FGF12: variants seen among roughly 807,000 people sequenced by gnomAD.
The protein encoded by FGF12 is fibroblast growth factor 12B.
FGF12 carries 14 observed loss-of-function variants against 23.6 expected under a neutral mutation model. The observed-to-expected ratio is 0.59, with a 90% CI of 0.39 to 0.93. FGF12 has a LOEUF of 0.93. Ranked by LOEUF, FGF12 falls within the 40% of genes least tolerant of loss-of-function variation. The probability of loss-of-function intolerance (pLI) is 0.00; values close to 1 mark genes in which losing one functional copy is unlikely to be tolerated. For missense variants in FGF12, 175 were observed against 217.8 expected, an observed-to-expected ratio of 0.80 and a Z score of 1.24; for synonymous variants, 62 against 77.3, an observed-to-expected ratio of 0.80 and a Z score of 1.04.
chr3:192,680,455 G>C (rs1366134974), intron 2 of FGF12, among the ~76,000 whole-genome samples: 2 of 152,142 alleles, frequency 1.3e-5, no homozygotes, highest in African/African-American at 2.4e-5. Flanking sequence ...AGGTGGTAGT[G>C]GGGGGAGGTT....
At chr3:192,550,409 T>C (rs959002269) in intron 2 of FGF12, among the ~76,000 whole-genome samples, 2 of 149,914 alleles carry the variant, frequency 1.3e-5, no homozygotes, top group African/African-American at 4.9e-5. Context: ...ATATTACATA[T>C]ATAACATATT....
intron 2 of FGF12, among the ~76,000 whole-genome samples, chr3:192,692,323 T>C (rs1221550047): frequency 6.6e-6 from 1 of 152,186 alleles, no homozygotes; most frequent in African/African-American, 2.4e-5. Flanking sequence ...ATTGTGACTA[T>C]GTGAGATTAT....
chr3:192,397,008 A>G (rs1361984539), intron 2 of FGF12, among the ~76,000 whole-genome samples: 2 of 152,220 alleles, frequency 1.3e-5, no homozygotes, highest in African/African-American at 2.4e-5. Context: ...CAAAATTATA[A>G]TGAATGGAAC....
intron 4 of FGF12, among the ~76,000 whole-genome samples, chr3:192,200,069 C>A (rs7624728): frequency 6.6e-6 from 1 of 151,652 alleles, no homozygotes; most frequent in Non-Finnish European, 1.5e-5. Flanking sequence ...GTAATCCCAG[C>A]GCTTTGGGAG....
intron 2 of FGF12, among the ~76,000 whole-genome samples, chr3:192,470,623 A>C (rs1488749985): frequency 6.6e-6 from 1 of 152,146 alleles, no homozygotes; most frequent in Non-Finnish European, 1.5e-5. Context: ...TCCTGACCTC[A>C]AGTGATCCTC....
At chr3:192,446,768 C>A (rs1444075428) in intron 2 of FGF12, among the ~76,000 whole-genome samples, 2 of 152,164 alleles carry the variant, frequency 1.3e-5, no homozygotes, top group African/African-American at 4.8e-5. Flanking sequence ...CAAACATGGA[C>A]ATACACCACC....
chr3:192,451,398 T>C (rs1316576455), intron 2 of FGF12, among the ~76,000 whole-genome samples: 2 of 152,196 alleles, frequency 1.3e-5, no homozygotes, highest in African/African-American at 4.8e-5. Context: ...ATAAAATACA[T>C]TGTTCTTGAC....
intron 4 of FGF12, among the ~76,000 whole-genome samples, chr3:192,330,071 G>GA (rs200842868): frequency 0.031 from 4,672 of 152,160 alleles, 119 homozygotes; most frequent in South Asian, 0.054. Context: ...CTTGTATACT[G>GA]AAAACTACTA....
At chr3:192,185,557 A>G (rs1362923623) in intron 4 of FGF12, among the ~76,000 whole-genome samples, 1 of 151,770 alleles carries the variant, frequency 6.6e-6, no homozygotes, top group East Asian at 1.9e-4. Context: ...TTTTTAATTG[A>G]AAGGTAAAAG....
chr3:192,181,044 C>T (rs967122832), intron 4 of FGF12, among the ~76,000 whole-genome samples: 5 of 152,232 alleles, frequency 3.3e-5, no homozygotes, highest in South Asian at 2.1e-4. Context: ...GGAGACTGTA[C>T]GGAGATCTCC....
intron 3 of FGF12, among the ~76,000 whole-genome samples, chr3:192,339,064 T>G (rs896991061): frequency 1.3e-5 from 2 of 152,204 alleles, no homozygotes; most frequent in African/African-American, 2.4e-5. Context: ...TTGAAAGTTT[T>G]ATATGAACCA....
At chr3:192,179,466 A>G (rs566994594) in intron 4 of FGF12, among the ~76,000 whole-genome samples, 1 of 152,260 alleles carries the variant, frequency 6.6e-6, no homozygotes, top group Non-Finnish European at 1.5e-5. Flanking sequence ...TTGATTTTTG[A>G]CCTTGAGCAA....
chr3:192,374,051 C>T (rs1719363646), intron 2 of FGF12, among the ~76,000 whole-genome samples: 1 of 152,264 alleles, frequency 6.6e-6, no homozygotes, highest in East Asian at 1.9e-4. Context: ...TAAGAAAAGG[C>T]ATGATTTGTC....
chr3:192,470,091 T>C (rs570884746), intron 2 of FGF12, among the ~76,000 whole-genome samples: 21 of 152,200 alleles, frequency 1.4e-4, no homozygotes, highest in African/African-American at 4.8e-4. Context: ...TCCAATGTCC[T>C]CTCTGGAGGT....
chr3:192,561,329 C>T (rs1191920011), intron 2 of FGF12, among the ~76,000 whole-genome samples: 6 of 151,282 alleles, frequency 4.0e-5, no homozygotes, highest in Admixed American at 6.6e-5. Context: ...TAGTCTTCAG[C>T]GAAATGAAAA....
chr3:192,435,912 T>A (rs978655318), intron 2 of FGF12, among the ~76,000 whole-genome samples: 64 of 152,316 alleles, frequency 4.2e-4, no homozygotes, highest in Non-Finnish European at 3.8e-4. Context: ...CTTTTACAAT[T>A]CCCTGGCATT....
intron 2 of FGF12, among the ~76,000 whole-genome samples, chr3:192,719,211 C>T (rs1353628279): frequency 6.6e-6 from 1 of 152,090 alleles, no homozygotes; most frequent in Non-Finnish European, 1.5e-5. Context: ...GTCATAATTC[C>T]ACCAGTGTGC....
chr3:192,665,041 C>T (rs1395888500), intron 2 of FGF12, among the ~76,000 whole-genome samples: 1 of 152,098 alleles, frequency 6.6e-6, no homozygotes, highest in African/African-American at 2.4e-5. Flanking sequence ...TCCTGAAAAT[C>T]CAGCAAAATC....
intron 2 of FGF12, among the ~76,000 whole-genome samples, chr3:192,481,788 C>T (rs552135868): frequency 1.1e-4 from 16 of 152,196 alleles, no homozygotes; most frequent in African/African-American, 1.7e-4. Context: ...AAATGAATCA[C>T]GTTATCCCCT....
Sources: gnomAD v4.1 joint callset for allele counts (sites outside exome capture counted in the v4.1 genomes callset) on GRCh38, gnomAD v4.1.1 for gene constraint, MANE v1.5 for transcripts, NCBI Gene and HGNC (gene_info 2026-07-23, HGNC 2026-07-21) for gene names.